The following TM9SF3 variants were observed in gnomAD, a reference collection of about 807,000 sequenced individuals.
The protein encoded by TM9SF3 is SM-11044-binding protein.
Under a neutral mutation model 78.6 loss-of-function variants are expected in TM9SF3, and 14 were observed. The ratio of observed to expected loss-of-function variants is 0.18; its 90% CI spans 0.12 to 0.28. The LOEUF (loss-of-function observed/expected upper bound fraction) is 0.28. Among genes scored for constraint, TM9SF3 ranks in the 10% least tolerant of loss-of-function variants. TM9SF3 has a pLI of 1.00. For missense variants in TM9SF3, 496 were observed against 721.9 expected, an observed-to-expected ratio of 0.69 and a Z score of 3.59; for synonymous variants, 231 against 241.7, an observed-to-expected ratio of 0.96 and a Z score of 0.41.
intron 3 of TM9SF3, among the ~76,000 whole-genome samples, 158 bp from the exon 4 acceptor site, chr10:96,562,296 T>C (rs984168211): frequency 2.0e-5 from 3 of 151,366 alleles, no homozygotes; most frequent in Non-Finnish European, 4.4e-5. Flanking sequence ...TCTGCCATGA[T>C]TGTAAGTTTC....
rs998518461 is a variant in TM9SF3, at chr10:96,532,979, A to G, written c.1325+72T>C. On this transcript the variant is annotated intron_variant, in intron 10 of 14. Transcript: ENST00000371142. ...ATAAATACATACCAATTCTAAAGTTACATGTACACAACAGCCTTAAGAACT... is the reference window on the plus strand; with the variant it reads ...ATAAATACATACCAATTCTAAAGTTGCATGTACACAACAGCCTTAAGAACT... 13 of 1,535,330 alleles carry G rather than the reference A, an allele frequency of 8.5e-6. No homozygotes were observed. The East Asian group carries it at 2.9e-4, about 35-fold the overall frequency.
At chr10:96,556,640 T>C (rs1848237360) in intron 5 of TM9SF3, among the ~76,000 whole-genome samples, 1 of 152,130 alleles carries the variant, frequency 6.6e-6, no homozygotes, top group African/African-American at 2.4e-5. Flanking sequence ...ATAAAGTTAA[T>C]GTTTTTCTTA....
At position 96,532,496 on chromosome 10, in the gene TM9SF3, TATC is replaced by T. The variant is rs1480705028; in HGVS notation, c.1325+552_1325+554del. ...AGACTTTATATATATATATCTCCGT[TATC>T]ATAAAAATGCAGTCTACTTACTATA... On this transcript the variant is annotated intron_variant, in intron 10 of 14. Transcript: ENST00000371142. Among the ~76,000 whole-genome samples, 15 of 152,280 alleles carry T rather than the reference TATC, an allele frequency of 9.9e-5. 1 individual carries two copies. The highest frequency in any genetic ancestry group is 3.6e-4 in the African/African-American group (15 of 41,564).
intron 2 of TM9SF3, among the ~76,000 whole-genome samples, 194 bp from the exon 3 acceptor site, chr10:96,565,620 T>A (rs986207492): frequency 6.6e-6 from 1 of 152,190 alleles, no homozygotes; most frequent in Non-Finnish European, 1.5e-5. Context: ...AGACTTTTTA[T>A]AATGAAAAAA....
intron 11 of TM9SF3, among the ~76,000 whole-genome samples, chr10:96,529,412 A>G (rs1847872449): frequency 6.6e-6 from 1 of 152,184 alleles, no homozygotes; most frequent in Non-Finnish European, 1.5e-5. Context: ...CTTTGGAAAG[A>G]TTCAATAAGG....
At chr10:96,527,717 CCATA>C (rs1279354301) in intron 12 of TM9SF3, among the ~76,000 whole-genome samples, 4 of 152,054 alleles carry the variant, frequency 2.6e-5, no homozygotes, top group Non-Finnish European at 5.9e-5. Context: ...TTACCAGTGA[CCATA>C]AATACACCAT....
At chr10:96,574,325 G>A (rs1848472505) in intron 2 of TM9SF3, among the ~76,000 whole-genome samples, 1 of 152,240 alleles carries the variant, frequency 6.6e-6, no homozygotes, top group East Asian at 1.9e-4. Context: ...ACAAAAAAAA[G>A]CTCATCATCA....
intron 11 of TM9SF3, among the ~76,000 whole-genome samples, chr10:96,529,188 C>T (rs576322728): frequency 5.9e-5 from 9 of 152,212 alleles, no homozygotes; most frequent in Admixed American, 2.0e-4. Context: ...TAATAAACCA[C>T]GAGTTACAGA....
chr10:96,563,973 A>T (rs1848340617), intron 3 of TM9SF3, among the ~76,000 whole-genome samples: 1 of 152,156 alleles, frequency 6.6e-6, no homozygotes, highest in South Asian at 2.1e-4. Flanking sequence ...ACTGTTGCTA[A>T]CGAGCCCACA....
At position 96,519,221 on chromosome 10, in the gene TM9SF3, T is replaced by A. The variant is rs142269457; in HGVS notation, c.*3042A>T. 2.0e-3 allele frequency: 301 copies of A among 152,212 alleles called. 2 individuals are homozygous for A. Among genetic ancestry groups the A allele is most frequent in the African/African-American group, 6.9e-3 (289 of 41,584 alleles). 9.4% of individuals were successfully genotyped at this position (152,212 alleles called of 1,614,324 possible). ...ACTGTACCAAAATGGATATGACTTG[T>A]GAATAAACCCTAAATAAAGTGGCTT... On this transcript the variant is annotated 3_prime_UTR_variant, in exon 15 of 15. Transcript: ENST00000371142.
chr10:96,532,986 C>A, intron 10 of TM9SF3, 65 bp downstream of exon 10: 2 of 1,568,156 alleles, frequency 1.3e-6, no homozygotes, highest in South Asian at 2.3e-5. Flanking sequence ...GTTACATGTA[C>A]ACAACAGCCT....
At chr10:96,529,259 C>T (rs562161703) in intron 11 of TM9SF3, among the ~76,000 whole-genome samples, 3 of 152,286 alleles carry the variant, frequency 2.0e-5, no homozygotes, top group African/African-American at 4.8e-5. Flanking sequence ...TGGTAAGTGA[C>T]AACCAAGAGT....
Position 96,547,902 on chromosome 10 carries a change from T to C in TM9SF3, c.1047A>G (p.Arg349=). Residue 349 remains arginine (R), a synonymous_variant, in exon 8 of 15, where the codon AGA becomes AGG. Transcript: ENST00000371142. ...NGYFGGSLYA[R]QGGRRWIKQM... ...TGAGAATTCGTAAGTTACCTCCTTG[T>C]CTAGCATACAGACTTCCTCCAAAAT... is the stretch of plus-strand genomic sequence containing the variant. The C allele has an allele frequency of 6.2e-7, 1 of 1,612,216 alleles. No homozygotes were observed. The highest frequency in any genetic ancestry group is 8.5e-7 in the Non-Finnish European group (1 of 1,178,744).
chr10:96,581,554 C>T (rs1848569852), intron 1 of TM9SF3, among the ~76,000 whole-genome samples: 1 of 152,134 alleles, frequency 6.6e-6, no homozygotes, highest in African/African-American at 2.4e-5. Context: ...TCAAAAATAG[C>T]TTTGTACCTA....
rs192831420 is a variant in TM9SF3 at position 96,522,186 on chromosome 10, G to A, written c.*77C>T. On this transcript the variant is annotated 3_prime_UTR_variant, in exon 15 of 15. Coordinates refer to ENST00000371142, the MANE Select transcript of TM9SF3 (RefSeq NM_020123.4). ...TGTTAAAGCCCAAATCTCTTCTTGC[G>A]TTTGTTTGTTTTTGCTGTGCAAGTT... 52 of 1,264,560 alleles carry A rather than the reference G, an allele frequency of 4.1e-5. No individual in the cohort carries two copies. Among genetic ancestry groups the A allele is most frequent in the Admixed American group, 1.5e-4 (7 of 46,398 alleles). The allele number at this position is 1,264,560 out of a possible 1,614,324, so 78.3% of individuals were successfully genotyped here.
intron 1 of TM9SF3, among the ~76,000 whole-genome samples, chr10:96,584,892 A>C (rs1323753201): frequency 1.3e-5 from 2 of 152,204 alleles, no homozygotes; most frequent in Non-Finnish European, 2.9e-5. Context: ...AGTAATATGG[A>C]TTCTAAATTT....
intron 2 of TM9SF3, among the ~76,000 whole-genome samples, chr10:96,573,123 AG>A (rs1848457905): frequency 6.6e-6 from 1 of 152,258 alleles, no homozygotes; most frequent in Non-Finnish European, 1.5e-5. Flanking sequence ...TGCCTTCAGA[AG>A]AATCTTTAAA....
chr10:96,544,409 T>C (rs1469050891), intron 8 of TM9SF3, among the ~76,000 whole-genome samples: 1 of 152,210 alleles, frequency 6.6e-6, no homozygotes, highest in Non-Finnish European at 1.5e-5. Context: ...CAATGACCTG[T>C]AATAAAATAT....
intron 1 of TM9SF3, among the ~76,000 whole-genome samples, chr10:96,586,028 C>G (rs1222219162): frequency 6.6e-6 from 1 of 152,184 alleles, no homozygotes. Flanking sequence ...CGTCAAGACC[C>G]TTTACTGTCA....
Sources: gnomAD v4.1 joint callset for allele counts (sites outside exome capture counted in the v4.1 genomes callset) on GRCh38, gnomAD v4.1.1 for gene constraint, MANE v1.5 for transcripts, NCBI Gene and HGNC (gene_info 2026-07-23, HGNC 2026-07-21) for gene names.